YEATS2: variants seen among roughly 807,000 people sequenced by gnomAD.
YEATS2 encodes YEATS domain containing 2.
A neutral mutation model predicts 163.2 loss-of-function variants in YEATS2; 77 were observed. The ratio of observed to expected loss-of-function variants is 0.47; its 90% CI spans 0.39 to 0.57. The LOEUF (loss-of-function observed/expected upper bound fraction) is 0.57. Ranked by LOEUF, YEATS2 falls within the 20% of genes least tolerant of loss-of-function variation. The pLI is 0.00. For synonymous variants in YEATS2, 631 were observed against 645.1 expected (o/e 0.98, Z 0.33); for missense variants, 1,549 against 1,729.8 (o/e 0.90, Z 1.85).
At chr3:183,775,887 ATGT>A (rs1306957768) in intron 17 of YEATS2, 25 bp from the exon 18 acceptor site, 1 of 1,610,664 alleles carries the variant, frequency 6.2e-7, no homozygotes, top group Non-Finnish European at 8.5e-7. Context: ...ACTTTTTATG[ATGT>A]TGCTGTCATT....
chr3:183,810,524 A>G lies in YEATS2; in HGVS notation c.4210A>G (p.Ile1404Val), dbSNP rs1288091430. The G allele has an allele frequency of 6.2e-7, 1 of 1,614,194 alleles. No individual in the cohort carries two copies. The highest frequency in any genetic ancestry group is 1.1e-5 in the South Asian group (1 of 91,084). ...VSNIHQAICN[I>V]PFLDFLTNKH... The stretch of plus-strand genomic sequence containing the variant: ...TAATATTCACCAGGCCATTTGCAAC[A>G]TTCCTTTTCTGGACTTCCTCACAAA... The change falls in exon 31 of 31, where the codon ATT becomes GTT. Residue 1404 changes from isoleucine (I) to valine (V), a missense_variant. By Grantham distance (29) the Ile-to-Val change is conservative. Transcript: ENST00000305135.
At chr3:183,743,870 T>G (rs545816212) in intron 8 of YEATS2, among the ~76,000 whole-genome samples, 21 of 152,150 alleles carry the variant, frequency 1.4e-4, no homozygotes, top group Non-Finnish European at 2.6e-4. Context: ...TTTCATTCCC[T>G]TTCTTCTACA....
chr3:183,718,412 T>A, intron 3 of YEATS2, 88 bp from the exon 4 acceptor site: 3 of 884,014 alleles, frequency 3.4e-6, no homozygotes, highest in Non-Finnish European at 5.0e-6. Flanking sequence ...TTTTTTTCAC[T>A]CATTCACGTT....
At chr3:183,752,415 A>G (rs1720267005) in intron 10 of YEATS2, among the ~76,000 whole-genome samples, 162 bp downstream of exon 10, 1 of 152,166 alleles carries the variant, frequency 6.6e-6, no homozygotes, top group South Asian at 2.1e-4. Context: ...ACTCTTGTCA[A>G]AAATATTTTT....
At chr3:183,790,554 T>C (rs370469406) in intron 20 of YEATS2, among the ~76,000 whole-genome samples, 1 of 152,220 alleles carries the variant, frequency 6.6e-6, no homozygotes, top group Non-Finnish European at 1.5e-5. Flanking sequence ...TTTAAAAATA[T>C]GATGACCCCC....
intron 1 of YEATS2, among the ~76,000 whole-genome samples, chr3:183,703,117 G>C (rs1322939682): frequency 6.6e-6 from 1 of 152,132 alleles, no homozygotes; most frequent in African/African-American, 2.4e-5. Context: ...TTTGAGCTCA[G>C]CTGTCTTTTG....
rs757048247 is a variant in YEATS2 at position 183,754,197 on chromosome 3, C to G, written c.1222C>G (p.Pro408Ala). The G allele has an allele frequency of 6.2e-7, 1 of 1,613,540 alleles. No individual in the cohort carries two copies. The highest frequency in any genetic ancestry group is 8.5e-7 in the Non-Finnish European group (1 of 1,179,576). Residue 408 changes from proline (P) to alanine (A), a missense_variant, in exon 11 of 31, where the codon CCC (proline) becomes GCC (alanine). Transcript: ENST00000305135. ...TTTGCCATCTTCATTGGAAAGAACA[C>G]CCACCAAAATGACTACATCCCAGAA... Reference protein sequence around the residue: ...YALPSSLERTPTKMTTSQKVT... With the variant: ...YALPSSLERTATKMTTSQKVT...
chr3:183,776,525 G>A (rs1319103514), intron 18 of YEATS2, among the ~76,000 whole-genome samples: 2 of 152,102 alleles, frequency 1.3e-5, no homozygotes, highest in Non-Finnish European at 2.9e-5. Flanking sequence ...CCCTGGCTGG[G>A]TGACAGAGTG....
chr3:183,756,408 T>C, intron 11 of YEATS2, 120 bp from the exon 12 acceptor site: 1 of 950,276 alleles, frequency 1.1e-6, no homozygotes, highest in Non-Finnish European at 1.5e-6. Context: ...GTATCCATTT[T>C]ATTTTCCCAA....
intron 24 of YEATS2, chr3:183,800,946 T>A (rs1039500161): frequency 2.1e-5 from 4 of 190,582 alleles, no homozygotes; most frequent in African/African-American, 9.4e-5. Context: ...CTTAGCTGCC[T>A]CTTCATGGGC....
chr3:183,808,947 A>G, intron 29 of YEATS2, 150 bp from the exon 30 acceptor site: 2 of 631,706 alleles, frequency 3.2e-6, no homozygotes, highest in South Asian at 3.7e-5. Flanking sequence ...ATTATGGTCT[A>G]TTATTGAGGC....
chr3:183,754,162 C>T lies in YEATS2; in HGVS notation c.1187C>T (p.Pro396Leu), dbSNP rs773366065. 12 of 1,601,462 alleles carry T rather than the reference C, an allele frequency of 7.5e-6. No individual in the cohort carries two copies. The highest frequency in any genetic ancestry group is 6.7e-5 in the South Asian group (6 of 90,124). ...AGCACTGAAGCTGAACGACACACTC[C>T]GTTTTATGCTTTGCCATCTTCATTG... Reference protein sequence around the residue: ...PASTEAERHTPFYALPSSLER... With the variant: ...PASTEAERHTLFYALPSSLER... The change falls in exon 11 of 31, where the codon CCG becomes CTG. Residue 396 changes from proline (P) to leucine (L), a missense_variant. By Grantham distance (98) the Pro-to-Leu change is moderately conservative. Transcript: ENST00000305135.
Position 183,752,234 on chromosome 3 carries a change from C to T in YEATS2, c.1131C>T (p.Pro377=), listed in dbSNP as rs771576954. 14 of 1,614,028 alleles carry T rather than the reference C, an allele frequency of 8.7e-6. No homozygotes were observed. Among genetic ancestry groups the T allele is most frequent in the East Asian group, 2.2e-5 (1 of 44,888 alleles). Residue 377 remains proline (P), a synonymous_variant, in exon 10 of 31, where the codon CCC becomes CCT. Coordinates refer to ENST00000305135, the MANE Select transcript of YEATS2 (RefSeq NM_018023.5). ...SPIKQSHEPV[P]DTSVEKGFPA... ...TAAAGCAGTCACATGAGCCAGTACCCGATACCTCTGTGGAGAAAGGTAATA... is the reference window on the plus strand; with the variant it reads ...TAAAGCAGTCACATGAGCCAGTACCTGATACCTCTGTGGAGAAAGGTAATA...
At chr3:183,752,942 C>A (rs1560272785) in intron 10 of YEATS2, among the ~76,000 whole-genome samples, 1 of 151,504 alleles carries the variant, frequency 6.6e-6, no homozygotes, top group Non-Finnish European at 1.5e-5. Context: ...GGATTACAGG[C>A]GTCCACCACC....
At chr3:183,778,044 G>A (rs541059604) in intron 19 of YEATS2, among the ~76,000 whole-genome samples, 4 of 150,950 alleles carry the variant, frequency 2.6e-5, no homozygotes, top group East Asian at 3.9e-4. Flanking sequence ...CCCGGGAGGC[G>A]GAGGTTGCAG....
intron 7 of YEATS2, among the ~76,000 whole-genome samples, chr3:183,730,052 GTTTTTTTTTTTTTTTTT>G (rs869091775): frequency 0.024 from 992 of 41,710 alleles, 20 homozygotes; most frequent in African/African-American, 0.073. Flanking sequence ...TTTTTTGTTT[GTTTTTTTTTTTTTTTTT>G]TTTTTTTTTT....
intron 13 of YEATS2, among the ~76,000 whole-genome samples, chr3:183,761,110 G>A (rs547262069): frequency 1.4e-4 from 21 of 151,242 alleles, no homozygotes; most frequent in South Asian, 1.0e-3. Context: ...TTTTTTTTAC[G>A]GAGTTTTGCT....
chr3:183,708,112 A>G (rs752952362), intron 1 of YEATS2, among the ~76,000 whole-genome samples: 11 of 151,344 alleles, frequency 7.3e-5, no homozygotes, highest in Non-Finnish European at 1.5e-4. Flanking sequence ...AAATCTTTCA[A>G]GTGTCTAATT....
At chr3:183,793,518 T>C in intron 21 of YEATS2, 5 of 913,326 alleles carry the variant, frequency 5.5e-6, no homozygotes, top group Non-Finnish European at 6.5e-6. Context: ...GATCATGTTT[T>C]TGGCATGCAA....
Sources: allele counts gnomAD v4.1 joint callset (sites outside exome capture counted in the v4.1 genomes callset), GRCh38; gene constraint gnomAD v4.1.1; transcripts MANE v1.5; gene names NCBI Gene and HGNC (gene_info 2026-07-23, HGNC 2026-07-21).